Variants in MGAT5B observed in about 807,000 individuals in gnomAD.
MGAT5B encodes the protein N-acetylglucosaminyl-transferase Vb.
A neutral mutation model predicts 95.1 loss-of-function variants in MGAT5B; 54 were observed. That is an observed-to-expected ratio of 0.57 (90% confidence interval 0.46 to 0.71). MGAT5B has a LOEUF of 0.71. Among genes scored for constraint, MGAT5B ranks in the 30% least tolerant of loss-of-function variants. The pLI, the probability that MGAT5B is intolerant of heterozygous loss-of-function variation, is 0.00. For synonymous variants in MGAT5B, 464 were observed against 451.0 expected (o/e 1.03, Z -0.36); for missense variants, 935 against 1,088.6 (o/e 0.86, Z 1.99).
rs535096311 is a variant in MGAT5B at position 76,917,796 on chromosome 17, C to T, written c.1026-7170C>T. On this transcript the variant is annotated intron_variant, in intron 8 of 17. Transcript: ENST00000569840. The surrounding 1 kb of genome is among the most constrained non-coding windows in gnomAD (Gnocchi z 6.1). ...CACCCGAGGAGCTGAAAATAATCCCCGACGCCCAGGCCCCAGCCCGGAGCA... is the reference window on the plus strand; with the variant it reads ...CACCCGAGGAGCTGAAAATAATCCCTGACGCCCAGGCCCCAGCCCGGAGCA... 5.9e-5 allele frequency among the ~76,000 whole-genome samples: 9 copies of T among 152,324 alleles called. No individual in the cohort carries two copies. The highest frequency in any genetic ancestry group is 1.2e-4 in the Non-Finnish European group (8 of 68,022).
At chr17:76,924,754 G>A (rs1015972304) in intron 8 of MGAT5B, among the ~76,000 whole-genome samples, 2 of 152,198 alleles carry the variant, frequency 1.3e-5, no homozygotes, top group Non-Finnish European at 2.9e-5. Flanking sequence ...GGGAGCCCAC[G>A]CTGACCTCAG....
intron 8 of MGAT5B, chr17:76,913,717 G>T (rs1441972164): frequency 2.0e-6 from 1 of 509,268 alleles, no homozygotes; most frequent in South Asian, 1.4e-5. Context: ...GTGGAGTCAT[G>T]GGTGCCTGTG....
In MGAT5B at chr17:76,906,171, C is replaced by T. The variant is rs1039133514; in HGVS notation, c.1009C>T (p.Leu337=). 6.2e-7 allele frequency: 1 copy of T among 1,604,584 alleles called. No homozygotes were observed. Among genetic ancestry groups the T allele is most frequent in the Non-Finnish European group, 8.5e-7 (1 of 1,176,192 alleles). Residue 337 remains leucine, a synonymous_variant, in exon 8 of 18, where the codon CTG becomes TTG. Transcript: ENST00000569840. The surrounding 1 kb of genome is among the most constrained non-coding windows in gnomAD (Gnocchi z 4.6). ...CCATGGCCTGCGGGTCACAGTCTCC[C>T]TGAAGGAGCTGCAGAGGTGAGTGCT... ...LGHGLRVTVS[L]KELQSNLGVP...
chr17:76,908,985 TTA>T (rs1968636260), intron 8 of MGAT5B, among the ~76,000 whole-genome samples: 1 of 151,948 alleles, frequency 6.6e-6, no homozygotes, highest in Non-Finnish European at 1.5e-5. Flanking sequence ...TTTTGTATTT[TTA>T]GTAGAGACAG....
chr17:76,934,614 G>A (rs1019277393), intron 12 of MGAT5B, among the ~76,000 whole-genome samples: 3 of 152,144 alleles, frequency 2.0e-5, no homozygotes, highest in Non-Finnish European at 2.9e-5. Context: ...GGGCAGAGTC[G>A]GAGGGTCGTG....
At chr17:76,939,242 G>A (rs1012198000) in intron 13 of MGAT5B, among the ~76,000 whole-genome samples, 6 of 151,408 alleles carry the variant, frequency 4.0e-5, no homozygotes, top group African/African-American at 1.5e-4. Flanking sequence ...GCTCACACCT[G>A]TAATCCCAAC....
chr17:76,931,819 A>G (rs910443700), intron 10 of MGAT5B, among the ~76,000 whole-genome samples: 10 of 152,190 alleles, frequency 6.6e-5, no homozygotes, highest in Non-Finnish European at 1.0e-4. Flanking sequence ...AGGTGGAGAA[A>G]GTTCTACCTG....
chr17:76,905,048 C>T lies in MGAT5B; in HGVS notation c.691-121C>T. Reference sequence around the variant, plus strand: ...GGGCTAATGAGCCCCTTAGAAAGTGCAGGAGAAGCTGGAGCAGGCCCCAGC... The same window carrying T: ...GGGCTAATGAGCCCCTTAGAAAGTGTAGGAGAAGCTGGAGCAGGCCCCAGC... On this transcript the variant is annotated intron_variant, in intron 6 of 17. Coordinates refer to ENST00000569840, the MANE Select transcript of MGAT5B (RefSeq NM_001199172.2). This position sits in a 1 kb window ranked among gnomAD's most constrained non-coding sequence, Gnocchi z 4.2. 3 of 1,096,372 alleles carry T rather than the reference C, an allele frequency of 2.7e-6. No individual in the cohort carries two copies. The highest frequency in any genetic ancestry group is 1.9e-5 in the South Asian group (1 of 51,812). 67.9% of individuals were successfully genotyped at this position (1,096,372 alleles called of 1,614,324 possible).
chr17:76,882,627 C>G, intron 3 of MGAT5B: 1 of 223,600 alleles, frequency 4.5e-6, no homozygotes, highest in Non-Finnish European at 8.7e-6. Context: ...GTTTAACACA[C>G]ACACATTATA....
At chr17:76,885,284 C>T (rs1265756123) in intron 3 of MGAT5B, among the ~76,000 whole-genome samples, 1 of 152,226 alleles carries the variant, frequency 6.6e-6, no homozygotes, top group Non-Finnish European at 1.5e-5. Context: ...ATCTTTCTCC[C>T]TCAGATCCAG....
Position 76,936,267 on chromosome 17 carries a change from G to A in MGAT5B, c.1429-1721G>A, listed in dbSNP as rs182829082. ...ACTAAAAATACAAAAGATTAGCCAC[G>A]TGTGGTGGCGTGCGCCCGTAGTCCC... is the stretch of plus-strand genomic sequence containing the variant. On this transcript the variant is annotated intron_variant, in intron 12 of 17. Transcript: ENST00000569840. Among the ~76,000 whole-genome samples, 206 of 152,244 alleles carry A rather than the reference G, an allele frequency of 1.4e-3. 1 individual carries two copies. The highest frequency in any genetic ancestry group is 1.9e-3 in the Non-Finnish European group (131 of 68,030).
intron 2 of MGAT5B, 109 bp from the exon 3 acceptor site, chr17:76,882,042 G>A: frequency 1.7e-6 from 2 of 1,183,126 alleles, no homozygotes; most frequent in Non-Finnish European, 2.3e-6. Flanking sequence ...GTGTTGGTTG[G>A]TGCTGGGGGA....
intron 2 of MGAT5B, among the ~76,000 whole-genome samples, chr17:76,881,027 T>C (rs1967391578): frequency 6.6e-6 from 1 of 152,098 alleles, no homozygotes; most frequent in African/African-American, 2.4e-5. Flanking sequence ...GGGGGAGTGA[T>C]TTCAAGCCTG....
In MGAT5B at chr17:76,906,584, G is replaced by C. The variant is rs907957675; in HGVS notation, c.1025+397G>C. Among the ~76,000 whole-genome samples, 4 of 152,166 alleles carry C rather than the reference G, an allele frequency of 2.6e-5. No individual in the cohort carries two copies. The highest frequency in any genetic ancestry group is 6.5e-5 in the Admixed American group (1 of 15,284). Reference sequence around the variant, plus strand: ...CTTCTTGGGTCTACTTTAGGGTCTGGAGACCAGTAAGACATGGAGGATGAA... The same window carrying C: ...CTTCTTGGGTCTACTTTAGGGTCTGCAGACCAGTAAGACATGGAGGATGAA... On this transcript the variant is annotated intron_variant, in intron 8 of 17. Coordinates refer to ENST00000569840, the MANE Select transcript of MGAT5B (RefSeq NM_001199172.2). The surrounding 1 kb of genome is among the most constrained non-coding windows in gnomAD (Gnocchi z 4.6).
intron 8 of MGAT5B, among the ~76,000 whole-genome samples, chr17:76,910,069 A>G (rs1478025065): frequency 6.6e-6 from 1 of 152,156 alleles, no homozygotes; most frequent in African/African-American, 2.4e-5. Flanking sequence ...AGGAGCTGCA[A>G]GGAACCCGGC....
At chr17:76,931,189 C>T (rs980997243) in intron 10 of MGAT5B, among the ~76,000 whole-genome samples, 1 of 152,174 alleles carries the variant, frequency 6.6e-6, no homozygotes, top group Non-Finnish European at 1.5e-5. Context: ...CTCCGCCTCC[C>T]AAGTTCAAGT....
At chr17:76,888,233 T>G (rs993912415) in intron 3 of MGAT5B, among the ~76,000 whole-genome samples, 33 of 152,188 alleles carry the variant, frequency 2.2e-4, no homozygotes, top group Admixed American at 1.4e-3. Context: ...GAGCTCTGGA[T>G]GGGCCAAGGA....
intron 8 of MGAT5B, among the ~76,000 whole-genome samples, chr17:76,909,292 C>T (rs959345839): frequency 4.6e-5 from 7 of 152,172 alleles, no homozygotes; most frequent in Non-Finnish European, 1.0e-4. Flanking sequence ...GAACTTATTC[C>T]TTCTATCTAT....
chr17:76,941,726 A>G (rs969808000), intron 15 of MGAT5B, among the ~76,000 whole-genome samples: 1 of 152,188 alleles, frequency 6.6e-6, no homozygotes, highest in Non-Finnish European at 1.5e-5. Flanking sequence ...TTCCTCCAGG[A>G]AGTAACATGA....
Sources: gnomAD v4.1 joint callset for allele counts (sites outside exome capture counted in the v4.1 genomes callset) on GRCh38, gnomAD v4.1.1 for gene constraint, Gnocchi (gnomAD v3.1) non-coding constraint, MANE v1.5 for transcripts, NCBI Gene and HGNC (gene_info 2026-07-23, HGNC 2026-07-21) for gene names.